The following TRPS1 variants were observed in gnomAD, a reference collection of about 807,000 sequenced individuals.
TRPS1 encodes zinc finger transcription factor Trps1.
A neutral mutation model predicts 101.2 loss-of-function variants in TRPS1; 6 were observed. The observed-to-expected ratio is 0.06, with a 90% confidence interval of 0.03 to 0.12. The LOEUF is 0.12. Ranked by LOEUF, TRPS1 falls within the 10% of genes least tolerant of loss-of-function variation. The pLI is 1.00. For synonymous variants in TRPS1, 578 were observed against 589.8 expected, an observed-to-expected ratio of 0.98 and a Z score of 0.29; for missense variants, 1,363 against 1,567.0, an observed-to-expected ratio of 0.87 and a Z score of 2.20.
At position 115,603,974 on chromosome 8, in the gene TRPS1, T is replaced by C; in HGVS notation, c.1995A>G (p.Gln665=). 6.2e-7 allele frequency: 1 copy of C among 1,614,036 alleles called. No individual in the cohort carries two copies. Among genetic ancestry groups the C allele is most frequent in the Non-Finnish European group, 8.5e-7 (1 of 1,179,982 alleles). The change falls in exon 4 of 7, where the codon CAA becomes CAG. Residue 665 remains glutamine, a synonymous_variant. Coordinates refer to ENST00000395715, the MANE Select transcript of TRPS1 (RefSeq NM_014112.5). ...SDVKQEANHL[Q]GSDGQQSVKE... ...TGACAGACTGCTGCCCATCCGATCC[T>C]TGCAGGTGATTTGCTTCTTGTTTGA... is the stretch of plus-strand genomic sequence containing the variant.
chr8:115,417,150 C>T (rs149365805), intron 6 of TRPS1, among the ~76,000 whole-genome samples: 1 of 151,724 alleles, frequency 6.6e-6, no homozygotes, highest in African/African-American at 2.4e-5. Context: ...TAATTTTTGC[C>T]CTATGATTGG....
chr8:115,482,977 A>G (rs1044667319), intron 5 of TRPS1, among the ~76,000 whole-genome samples: 3 of 152,208 alleles, frequency 2.0e-5, no homozygotes, highest in Admixed American at 2.0e-4. Flanking sequence ...CCTTTTACAT[A>G]TGAGTTTTAT....
intron 3 of TRPS1, among the ~76,000 whole-genome samples, chr8:115,617,350 A>G (rs554884280): frequency 6.6e-6 from 1 of 152,276 alleles, no homozygotes; most frequent in East Asian, 1.9e-4. Context: ...GATAGCTCAC[A>G]CATCTGTTTT....
At chr8:115,485,283 C>T (rs926036181) in intron 5 of TRPS1, among the ~76,000 whole-genome samples, 1 of 152,120 alleles carries the variant, frequency 6.6e-6, no homozygotes, top group Middle Eastern at 3.2e-3. Context: ...GACCTCAGTT[C>T]TATGGATGCA....
At position 115,604,739 on chromosome 8, in the gene TRPS1, C is replaced by A; in HGVS notation, c.1230G>T (p.Trp410Cys). Reference sequence around the variant, plus strand: ...CTGCTTTGACTGTTATCTTGTCCTGCCATTTTCCCAAGTCTCCAGAATCAC... The same window carrying A: ...CTGCTTTGACTGTTATCTTGTCCTGACATTTTCCCAAGTCTCCAGAATCAC... ...QSSDSGDLGKWQDKITVKAGD... is the reference protein window; with the variant it reads ...QSSDSGDLGKCQDKITVKAGD... The change falls in exon 4 of 7, where the codon TGG becomes TGT. Residue 410 changes from tryptophan (W) to cysteine (C), a missense_variant. Trp to Cys is a radical substitution (Grantham distance 215). This residue lies in a region of TRPS1 where 1,020 missense variants were observed against 1,073.0 expected (regional missense o/e 0.95). Coordinates refer to ENST00000395715, the MANE Select transcript of TRPS1 (RefSeq NM_014112.5). The surrounding 1 kb of genome is among the most constrained non-coding windows in gnomAD (Gnocchi z 4.1). 7 of 1,613,808 alleles carry A rather than the reference C, an allele frequency of 4.3e-6. No individual in the cohort carries two copies. The highest frequency in any genetic ancestry group is 5.9e-6 in the Non-Finnish European group (7 of 1,179,904).
intron 5 of TRPS1, among the ~76,000 whole-genome samples, chr8:115,525,537 G>C (rs1173127603): frequency 6.6e-6 from 1 of 151,938 alleles, no homozygotes; most frequent in African/African-American, 2.4e-5. Flanking sequence ...ATATTTTATG[G>C]GTTAATATGT....
intron 5 of TRPS1, among the ~76,000 whole-genome samples, chr8:115,522,962 G>A (rs1407446890): frequency 6.6e-6 from 1 of 151,964 alleles, no homozygotes; most frequent in Admixed American, 6.6e-5. Flanking sequence ...CTTCCATGTT[G>A]ATTTAAAAAT....
intron 1 of TRPS1, among the ~76,000 whole-genome samples, chr8:115,629,511 C>A (rs191674964): frequency 1.3e-5 from 2 of 152,002 alleles, no homozygotes; most frequent in African/African-American, 4.8e-5. Context: ...ATACAGATAT[C>A]ACTGCATAAA....
At chr8:115,613,255 CTG>C (rs1458663571) in intron 3 of TRPS1, among the ~76,000 whole-genome samples, 1 of 152,166 alleles carries the variant, frequency 6.6e-6, no homozygotes, top group Non-Finnish European at 1.5e-5. Context: ...AAAGGAATCA[CTG>C]TAATTTTAAA....
intron 5 of TRPS1, among the ~76,000 whole-genome samples, chr8:115,461,555 T>C (rs908985256): frequency 1.1e-4 from 16 of 152,196 alleles, no homozygotes; most frequent in Non-Finnish European, 1.3e-4. Context: ...TTCCCCATGG[T>C]AGGCATTCCA....
intron 5 of TRPS1, among the ~76,000 whole-genome samples, chr8:115,508,442 C>T (rs955819610): frequency 7.2e-5 from 11 of 152,044 alleles, no homozygotes; most frequent in Admixed American, 5.9e-4. Context: ...GCCGAGGAAA[C>T]GAATGTGCAC....
In TRPS1 at chr8:115,480,568, A is replaced by T. The variant is rs532782823; in HGVS notation, c.2701-62116T>A. ...ATTTTTATTGTCCTCATTTTAAGCT[A>T]CCATAGGTCAGAAATATATCTGGAA... On this transcript the variant is annotated intron_variant, in intron 5 of 6. Coordinates refer to ENST00000395715, the MANE Select transcript of TRPS1 (RefSeq NM_014112.5). Among the ~76,000 whole-genome samples the T allele has an allele frequency of 2.1e-3, 316 of 152,138 alleles. 3 individuals carry two copies. Among genetic ancestry groups the T allele is most frequent in the African/African-American group, 6.8e-3 (284 of 41,558 alleles).
intron 3 of TRPS1, among the ~76,000 whole-genome samples, chr8:115,611,819 A>G (rs898297612): frequency 6.6e-6 from 1 of 152,228 alleles, no homozygotes; most frequent in African/African-American, 2.4e-5. Flanking sequence ...GTAATAAGTA[A>G]TATAAATGTA....
intron 4 of TRPS1, among the ~76,000 whole-genome samples, chr8:115,594,180 C>T (rs1270076405): frequency 1.3e-5 from 2 of 152,066 alleles, no homozygotes; most frequent in East Asian, 3.9e-4. Context: ...TAGTTAAAAA[C>T]TCCTAAAACC....
intron 5 of TRPS1, among the ~76,000 whole-genome samples, chr8:115,448,951 C>T (rs940286172): frequency 2.6e-5 from 4 of 152,100 alleles, no homozygotes; most frequent in East Asian, 1.9e-4. Flanking sequence ...CCTGATTCAA[C>T]GTAACTGTCA....
chr8:115,536,954 A>C (rs1284823514), intron 5 of TRPS1, among the ~76,000 whole-genome samples: 2 of 152,102 alleles, frequency 1.3e-5, no homozygotes, highest in African/African-American at 4.8e-5. Context: ...CTTAAAGGAA[A>C]ATTGAATTTG....
At chr8:115,643,729 T>C (rs374916034) in intron 1 of TRPS1, among the ~76,000 whole-genome samples, 1 of 152,260 alleles carries the variant, frequency 6.6e-6, no homozygotes, top group South Asian at 2.1e-4. Context: ...ATGTTCTTAA[T>C]GGTATCTCAA....
chr8:115,436,548 T>C (rs1393781208), intron 5 of TRPS1, among the ~76,000 whole-genome samples: 1 of 152,152 alleles, frequency 6.6e-6, no homozygotes, highest in Non-Finnish European at 1.5e-5. Flanking sequence ...ATTATTGTTT[T>C]AGAGACAGGA....
chr8:115,532,583 C>T (rs1816162897), intron 5 of TRPS1, among the ~76,000 whole-genome samples: 1 of 152,084 alleles, frequency 6.6e-6, no homozygotes, highest in Non-Finnish European at 1.5e-5. Flanking sequence ...ATAGTAGGCC[C>T]AATGAGAGAA....
Sources: gnomAD v4.1 joint callset for allele counts (sites outside exome capture counted in the v4.1 genomes callset) on GRCh38, gnomAD v4.1.1 for gene constraint, gnomAD v4.1.1 regional missense constraint, Gnocchi (gnomAD v3.1) non-coding constraint, MANE v1.5 for transcripts, NCBI Gene and HGNC (gene_info 2026-07-23, HGNC 2026-07-21) for gene names.